Variants in AP4E1 observed in about 807,000 individuals in gnomAD.
AP4E1 encodes adaptor related protein complex 4 subunit epsilon 1.
Under a neutral mutation model 128.2 loss-of-function variants are expected in AP4E1, and 56 were observed. The ratio of observed to expected loss-of-function variants is 0.44; its 90% CI spans 0.35 to 0.55. AP4E1 has a LOEUF of 0.55. Ranked by LOEUF, AP4E1 falls within the 20% of genes least tolerant of loss-of-function variation. The pLI is 0.00. For missense variants in AP4E1, 1,324 were observed against 1,307.7 expected, an observed-to-expected ratio of 1.01 and a Z score of -0.19; for synonymous variants, 484 against 473.1, an observed-to-expected ratio of 1.02 and a Z score of -0.30.
chr15:50,950,934 T>G (rs959544426), intron 13 of AP4E1, among the ~76,000 whole-genome samples: 10 of 152,236 alleles, frequency 6.6e-5, no homozygotes, highest in Non-Finnish European at 1.3e-4. Flanking sequence ...TCCATGTCTC[T>G]GCAAAGGACA....
intron 10 of AP4E1, among the ~76,000 whole-genome samples, chr15:50,946,578 T>G (rs2064064865): frequency 6.6e-6 from 1 of 152,182 alleles, no homozygotes; most frequent in African/African-American, 2.4e-5. Flanking sequence ...AAAAAATCTT[T>G]CAAAATATGT....
chr15:50,964,357 A>G (rs1422529830), intron 14 of AP4E1, among the ~76,000 whole-genome samples: 1 of 149,766 alleles, frequency 6.7e-6, no homozygotes, highest in African/African-American at 2.5e-5. Flanking sequence ...TGAATTTCTC[A>G]TTCAGATCAT....
chr15:50,994,854 T>G (rs1027638407), intron 17 of AP4E1, among the ~76,000 whole-genome samples: 1 of 152,226 alleles, frequency 6.6e-6, no homozygotes, highest in Admixed American at 6.5e-5. Flanking sequence ...ATTAGATTTT[T>G]TGTGGTGAGT....
At chr15:50,957,594 C>T (rs747799720) in intron 13 of AP4E1, among the ~76,000 whole-genome samples, 4 of 152,050 alleles carry the variant, frequency 2.6e-5, no homozygotes, top group South Asian at 4.1e-4. Context: ...AATTCCTCTG[C>T]CTCCTGTCCC....
At chr15:50,950,940 G>C (rs2064140349) in intron 13 of AP4E1, among the ~76,000 whole-genome samples, 1 of 152,154 alleles carries the variant, frequency 6.6e-6, no homozygotes, top group East Asian at 1.9e-4. Flanking sequence ...TCTCTGCAAA[G>C]GACATGATCT....
intron 3 of AP4E1, among the ~76,000 whole-genome samples, chr15:50,921,160 T>C (rs1365764882): frequency 6.6e-6 from 1 of 151,926 alleles, no homozygotes; most frequent in Non-Finnish European, 1.5e-5. Flanking sequence ...TTTTAAGTTA[T>C]TATTTTCTTT....
chr15:50,933,433 T>C (rs1423525999), intron 7 of AP4E1, among the ~76,000 whole-genome samples: 2 of 152,204 alleles, frequency 1.3e-5, no homozygotes, highest in African/African-American at 2.4e-5. Context: ...TTTTGTAGTT[T>C]TGTGCTTCTT....
chr15:50,945,879 A>G (rs1279182789), intron 10 of AP4E1: 2 of 913,016 alleles, frequency 2.2e-6, no homozygotes, highest in Non-Finnish European at 3.7e-6. Flanking sequence ...AGATTCAGGA[A>G]CAGTGCATCA....
intron 1 of AP4E1, among the ~76,000 whole-genome samples, chr15:50,910,397 A>G (rs1407566356): frequency 6.6e-6 from 1 of 152,240 alleles, no homozygotes; most frequent in Non-Finnish European, 1.5e-5. Flanking sequence ...ACAGATGTTT[A>G]TGGAACAAGG....
chr15:50,941,352 T>G, intron 8 of AP4E1, 90 bp from the exon 9 acceptor site: 1 of 1,437,534 alleles, frequency 7.0e-7, no homozygotes. Flanking sequence ...AAATGGACTT[T>G]CCAATTAGTT....
At position 50,968,348 on chromosome 15, in the gene AP4E1, G is replaced by T. The variant is rs775211638; in HGVS notation, c.1937G>T (p.Arg646Leu). ...GCGCCTTACAAACCTCCCCATCAACGCCAGGAGGAAAAGCTTTCTCAGGAA... is the reference window on the plus strand; with the variant it reads ...GCGCCTTACAAACCTCCCCATCAACTCCAGGAGGAAAAGCTTTCTCAGGAA... ...GAAPYKPPHQRQEEKLSQEKV... is the reference protein window; with the variant it reads ...GAAPYKPPHQLQEEKLSQEKV... Residue 646 changes from arginine (R) to leucine (L), a missense_variant, in exon 15 of 21, where the codon CGC (arginine) becomes CTC (leucine). Arg to Leu is a moderately radical substitution (Grantham distance 102). Transcript: ENST00000261842. 4 of 1,613,274 alleles carry T rather than the reference G, an allele frequency of 2.5e-6. No individual in the cohort carries two copies. The highest frequency in any genetic ancestry group is 1.3e-5 in the African/African-American group (1 of 74,986).
At chr15:50,987,747 G>A (rs1189923349) in intron 16 of AP4E1, among the ~76,000 whole-genome samples, 1 of 152,164 alleles carries the variant, frequency 6.6e-6, no homozygotes, top group African/African-American at 2.4e-5. Flanking sequence ...TTTTCAAAGG[G>A]AGAGACACAC....
chr15:50,940,177 T>C (rs146807495), intron 8 of AP4E1, among the ~76,000 whole-genome samples: 1 of 152,318 alleles, frequency 6.6e-6, no homozygotes, highest in African/African-American at 2.4e-5. Context: ...CGAACTTTTT[T>C]CACAGCACAG....
chr15:50,954,860 A>G (rs2064195177), intron 13 of AP4E1, among the ~76,000 whole-genome samples: 1 of 152,058 alleles, frequency 6.6e-6, no homozygotes, highest in Non-Finnish European at 1.5e-5. Context: ...CTACCCCACA[A>G]CAGGCCCCAG....
intron 3 of AP4E1, among the ~76,000 whole-genome samples, chr15:50,919,024 T>G (rs1256240551): frequency 6.6e-6 from 1 of 150,962 alleles, no homozygotes. Flanking sequence ...AGGTCAAGAG[T>G]TCGAGACCAG....
chr15:50,925,853 G>T (rs945203971), intron 5 of AP4E1, among the ~76,000 whole-genome samples: 1 of 149,606 alleles, frequency 6.7e-6, no homozygotes, highest in Non-Finnish European at 1.5e-5. Flanking sequence ...TCGAACTCCT[G>T]ACCTCAGGTG....
chr15:50,956,682 A>G (rs1412055332), intron 13 of AP4E1, among the ~76,000 whole-genome samples: 1 of 152,158 alleles, frequency 6.6e-6, no homozygotes, highest in Non-Finnish European at 1.5e-5. Context: ...AGCATGGGGG[A>G]AACTGCCCCC....
chr15:50,989,713 C>G (rs1251498620), intron 16 of AP4E1, among the ~76,000 whole-genome samples: 1 of 152,150 alleles, frequency 6.6e-6, no homozygotes, highest in Non-Finnish European at 1.5e-5. Flanking sequence ...GTGACAGCAT[C>G]TACTACTATA....
chr15:50,914,360 A>G (rs2063602446), intron 2 of AP4E1, among the ~76,000 whole-genome samples: 1 of 152,120 alleles, frequency 6.6e-6, no homozygotes, highest in African/African-American at 2.4e-5. Context: ...ATATTAAAAT[A>G]GTCTATGTGG....
Sources: gnomAD v4.1 joint callset for allele counts (sites outside exome capture counted in the v4.1 genomes callset) on GRCh38, gnomAD v4.1.1 for gene constraint, MANE v1.5 for transcripts, NCBI Gene and HGNC (gene_info 2026-07-23, HGNC 2026-07-21) for gene names.